Variants in EIF2AK4 observed in about 807,000 individuals in gnomAD.
EIF2AK4 encodes the protein eukaryotic translation initiation factor 2 alpha kinase 4.
EIF2AK4 carries 139 observed loss-of-function variants against 211.1 expected under a neutral mutation model. The ratio of observed to expected loss-of-function variants is 0.66; its 90% CI spans 0.57 to 0.76. The LOEUF (loss-of-function observed/expected upper bound fraction) is 0.76. EIF2AK4 is among the 30% of genes least tolerant of loss of function. EIF2AK4 has a pLI of 0.00. For missense variants in EIF2AK4, 1,664 were observed against 2,043.8 expected, an observed-to-expected ratio of 0.81 and a Z score of 3.58; for synonymous variants, 710 against 751.3, an observed-to-expected ratio of 0.94 and a Z score of 0.90.
At chr15:39,998,545 T>C (rs959338651) in intron 19 of EIF2AK4, among the ~76,000 whole-genome samples, 186 bp from the exon 20 acceptor site, 2 of 152,140 alleles carry the variant, frequency 1.3e-5, no homozygotes, top group African/African-American at 4.8e-5. Context: ...GTCATTTGGG[T>C]AAAGTTTATA....
At chr15:39,961,074 T>A (rs978700280) in intron 6 of EIF2AK4, among the ~76,000 whole-genome samples, 20 of 152,320 alleles carry the variant, frequency 1.3e-4, no homozygotes, top group Non-Finnish European at 2.8e-4. Flanking sequence ...TTTTGCATTA[T>A]GATCTAGTTT....
intron 16 of EIF2AK4, 140 bp downstream of exon 16, chr15:39,990,517 A>G: frequency 1.4e-6 from 1 of 712,804 alleles, no homozygotes; most frequent in Non-Finnish European, 2.4e-6. Context: ...CTGAAGGGGT[A>G]TGCTGCAAAT....
chr15:39,939,463 C>A, intron 1 of EIF2AK4, 42 bp from the exon 2 acceptor site: 1 of 1,430,744 alleles, frequency 7.0e-7, no homozygotes, highest in South Asian at 1.3e-5. Flanking sequence ...ATGATTGGCT[C>A]TACAGCTTTG....
chr15:40,003,633 AGTTT>A (rs2035122542), intron 23 of EIF2AK4, among the ~76,000 whole-genome samples: 1 of 152,178 alleles, frequency 6.6e-6, no homozygotes, highest in South Asian at 2.1e-4. Flanking sequence ...AAATAAATGT[AGTTT>A]GTTTGTCTTT....
At chr15:39,948,172 G>A (rs1384478516) in intron 3 of EIF2AK4, among the ~76,000 whole-genome samples, 4 of 152,198 alleles carry the variant, frequency 2.6e-5, no homozygotes, top group Admixed American at 6.5e-5. Context: ...CTGAGAGAAA[G>A]GCAGGATACC....
chr15:40,010,747 C>T (rs1172699646), intron 26 of EIF2AK4, among the ~76,000 whole-genome samples: 1 of 152,156 alleles, frequency 6.6e-6, no homozygotes, highest in Non-Finnish European at 1.5e-5. Context: ...ATGGCCCAAA[C>T]TTTACTGCTT....
intron 27 of EIF2AK4, among the ~76,000 whole-genome samples, chr15:40,015,721 A>G (rs776643449): frequency 3.3e-5 from 5 of 152,250 alleles, no homozygotes; most frequent in Non-Finnish European, 5.9e-5. Context: ...CTGAGCCTTC[A>G]TTTAGCCCTT....
intron 8 of EIF2AK4, 127 bp from the exon 9 acceptor site, chr15:39,967,212 TACTTC>T: frequency 1.0e-6 from 1 of 995,116 alleles, no homozygotes; most frequent in Non-Finnish European, 1.4e-6. Context: ...TTCTATCAAA[TACTTC>T]ACTTTTGGTT....
chr15:39,978,421 G>T (rs997370003), intron 13 of EIF2AK4: 3 of 199,868 alleles, frequency 1.5e-5, no homozygotes, highest in African/African-American at 6.9e-5. Context: ...TTTTCTAAGG[G>T]TTTGGGAAAC....
chr15:39,961,586 T>C (rs1448986717), intron 6 of EIF2AK4, among the ~76,000 whole-genome samples, 198 bp from the exon 7 acceptor site: 1 of 152,136 alleles, frequency 6.6e-6, no homozygotes, highest in Non-Finnish European at 1.5e-5. Context: ...GGGAAGTGAA[T>C]GGCTTTCCCA....
In EIF2AK4 at chr15:39,954,172, G is replaced by A. The variant is rs149003706; in HGVS notation, c.594+188G>A. On this transcript the variant is annotated intron_variant, in intron 5 of 38. Coordinates refer to ENST00000263791, the MANE Select transcript of EIF2AK4 (RefSeq NM_001013703.4). ...AATTTAGAGTTTTATGTTGTCAGTA[G>A]ATGATTTAGACTTACATAATTACTG... 1.7e-3 allele frequency among the ~76,000 whole-genome samples: 261 copies of A among 152,336 alleles called. 3 individuals carry two copies. Among genetic ancestry groups the A allele is most frequent in the African/African-American group, 5.9e-3 (245 of 41,568 alleles).
intron 16 of EIF2AK4, among the ~76,000 whole-genome samples, chr15:39,990,980 G>T (rs1411320632): frequency 6.6e-6 from 1 of 152,218 alleles, no homozygotes; most frequent in Non-Finnish European, 1.5e-5. Context: ...TGAGGTGCAG[G>T]GGAGAGTAAG....
At chr15:39,996,878 C>A in intron 18 of EIF2AK4, 86 bp from the exon 19 acceptor site, 1 of 954,410 alleles carries the variant, frequency 1.0e-6, no homozygotes, top group Non-Finnish European at 1.7e-6. Context: ...AACTTTATTT[C>A]AGCTAACAAT....
At position 40,030,224 on chromosome 15, in the gene EIF2AK4, AAC is replaced by A. The variant is rs2035521787; in HGVS notation, c.4562-131_4562-130del. The A allele has an allele frequency of 8.2e-6, 7 of 853,554 alleles. No homozygotes were observed. In the South Asian group the frequency reaches 1.2e-4, roughly 15 times the overall value. 52.9% of individuals were successfully genotyped at this position (853,554 alleles called of 1,614,324 possible). ...GGTGCAGATGGTTGTAGGGATAGAAAACACAGCCCAGTCGTGATCTAGCCCTT... is the reference window on the plus strand; with the variant it reads ...GGTGCAGATGGTTGTAGGGATAGAAAACAGCCCAGTCGTGATCTAGCCCTT... On this transcript the variant is annotated intron_variant, in intron 34 of 38. Coordinates refer to ENST00000263791, the MANE Select transcript of EIF2AK4 (RefSeq NM_001013703.4).
intron 2 of EIF2AK4, among the ~76,000 whole-genome samples, chr15:39,942,073 A>AT (rs1284572689): frequency 1.3e-5 from 2 of 152,156 alleles, no homozygotes; most frequent in African/African-American, 4.8e-5. Flanking sequence ...ATCATTGATG[A>AT]TTTTTTCTCC....
rs77420510 is a variant in EIF2AK4 at position 39,987,117 on chromosome 15, A to G, written c.2404-866A>G. ...TAAATATCTTTGAGGTACCACTTAC[A>G]CAGATAATAAAGCATTGGTCCCCCA... On this transcript the variant is annotated intron_variant, in intron 14 of 38. Coordinates refer to ENST00000263791, the MANE Select transcript of EIF2AK4 (RefSeq NM_001013703.4). Among the ~76,000 whole-genome samples, 1,494 of 152,336 alleles carry G rather than the reference A, an allele frequency of 9.8e-3. 28 individuals carry two copies. The highest frequency in any genetic ancestry group is 0.035 in the African/African-American group (1,444 of 41,566).
chr15:40,024,784 A>G (rs2035444164), intron 32 of EIF2AK4, among the ~76,000 whole-genome samples: 1 of 145,348 alleles, frequency 6.9e-6, no homozygotes, highest in Admixed American at 7.0e-5. Flanking sequence ...GTTGGAGTGC[A>G]GTGGCGCGAT....
chr15:39,944,577 A>G lies in EIF2AK4; in HGVS notation c.360+1092A>G, dbSNP rs368714561. On this transcript the variant is annotated intron_variant, in intron 3 of 38. Transcript: ENST00000263791. ...CTCCCGAGTAGCTGGGACTACAGGCACCCACCACCATGCCCGGCTAATTTT... is the reference window on the plus strand; with the variant it reads ...CTCCCGAGTAGCTGGGACTACAGGCGCCCACCACCATGCCCGGCTAATTTT... Among the ~76,000 whole-genome samples the G allele has an allele frequency of 9.6e-4, 146 of 151,800 alleles. 5 individuals carry two copies. In the East Asian group the frequency reaches 0.013, roughly 14 times the overall value.
At chr15:39,971,708 C>T (rs1339893899) in intron 9 of EIF2AK4, among the ~76,000 whole-genome samples, 5 of 150,422 alleles carry the variant, frequency 3.3e-5, no homozygotes, top group Non-Finnish European at 5.9e-5. Context: ...CAGAGCAAAA[C>T]CTTATCTCAA....
Sources: gnomAD v4.1 joint callset for allele counts (sites outside exome capture counted in the v4.1 genomes callset) on GRCh38, gnomAD v4.1.1 for gene constraint, MANE v1.5 for transcripts, NCBI Gene and HGNC (gene_info 2026-07-23, HGNC 2026-07-21) for gene names.